The following TLL2 variants were observed in gnomAD, a reference collection of about 807,000 sequenced individuals.
TLL2 encodes the protein tolloid-like protein 2.
Under a neutral mutation model 123.0 loss-of-function variants are expected in TLL2, and 106 were observed. That is an observed-to-expected ratio of 0.86 (90% confidence interval 0.74 to 1.01). The LOEUF (loss-of-function observed/expected upper bound fraction) is 1.01, where lower values mean the gene tolerates loss of function less well. Ranked by LOEUF, TLL2 falls within the 50% of genes least tolerant of loss-of-function variation. TLL2 has a pLI of 0.00. For synonymous variants in TLL2, 494 were observed against 516.8 expected (o/e 0.96, Z 0.60); for missense variants, 1,332 against 1,336.7 (o/e 1.00, Z 0.06).
intron 1 of TLL2, among the ~76,000 whole-genome samples, chr10:96,501,982 T>C (rs1047971805): frequency 2.6e-5 from 4 of 152,172 alleles, no homozygotes; most frequent in Admixed American, 6.5e-5. Context: ...ACATCAGTAA[T>C]AGACCCAGTT....
intron 17 of TLL2, among the ~76,000 whole-genome samples, 165 bp from the exon 18 acceptor site, chr10:96,376,984 T>C (rs1158810552): frequency 6.6e-6 from 1 of 152,230 alleles, no homozygotes; most frequent in Non-Finnish European, 1.5e-5. Flanking sequence ...CTCAGGGATG[T>C]GCTGGTTTAC....
At chr10:96,435,280 C>T (rs1053808931) in intron 3 of TLL2, among the ~76,000 whole-genome samples, 1 of 152,212 alleles carries the variant, frequency 6.6e-6, no homozygotes, top group Admixed American at 6.5e-5. Context: ...ATCTGCCCGC[C>T]TCGGCCTCCC....
chr10:96,473,531 T>G (rs1847205324), intron 2 of TLL2, among the ~76,000 whole-genome samples: 1 of 152,158 alleles, frequency 6.6e-6, no homozygotes, highest in Non-Finnish European at 1.5e-5. Context: ...GCTAATGTAT[T>G]ATTTTAAACC....
chr10:96,455,204 G>A (rs1157141912), intron 2 of TLL2, among the ~76,000 whole-genome samples: 1 of 151,970 alleles, frequency 6.6e-6, no homozygotes, highest in African/African-American at 2.4e-5. Flanking sequence ...ATTCCAGCCT[G>A]GGTGACAGAG....
At chr10:96,481,742 C>T (rs1847313865) in intron 1 of TLL2, among the ~76,000 whole-genome samples, 1 of 152,106 alleles carries the variant, frequency 6.6e-6, no homozygotes, top group Non-Finnish European at 1.5e-5. Context: ...CTATGTTTGA[C>T]AAGGTTCTAC....
rs1250059814 is a variant in TLL2, at chr10:96,384,624, G to A, written c.2157C>T (p.Thr719=). ...NMRVEFKSDN[T]VSKRGFRAHF... is the part of the protein sequence containing the mutation. ...GGGCCCTGAAGCCGCGCTTGGAGAC[G>A]GTGTTGTCGGACTTGAACTCCACGC... The change falls in exon 16 of 21, where the codon ACC becomes ACT. Residue 719 remains threonine (T), a synonymous_variant. Coordinates refer to ENST00000357947, the MANE Select transcript of TLL2 (RefSeq NM_012465.4). 1 of 1,605,778 alleles carries A rather than the reference G, an allele frequency of 6.2e-7. No homozygotes were observed. Among genetic ancestry groups the A allele is most frequent in the African/African-American group, 1.3e-5 (1 of 74,826 alleles).
chr10:96,376,902 C>T (rs1846143698), intron 17 of TLL2, 83 bp from the exon 18 acceptor site: 4 of 1,403,150 alleles, frequency 2.9e-6, no homozygotes, highest in Admixed American at 2.8e-5. Flanking sequence ...GGGTCTCCTC[C>T]CCTCTCTCCT....
At chr10:96,468,166 G>C (rs1312755362) in intron 2 of TLL2, among the ~76,000 whole-genome samples, 2 of 152,122 alleles carry the variant, frequency 1.3e-5, no homozygotes, top group African/African-American at 2.4e-5. Flanking sequence ...CCTACCATCT[G>C]CTCCCATTAT....
chr10:96,411,216 A>ACTCCAGT (rs539473380), intron 8 of TLL2, among the ~76,000 whole-genome samples: 88 of 134,260 alleles, frequency 6.6e-4, no homozygotes, highest in Non-Finnish European at 1.2e-3. Context: ...GCACTACTGC[A>ACTCCAGT]CTCCAGTCTC....
intron 2 of TLL2, among the ~76,000 whole-genome samples, chr10:96,479,955 C>A (rs1160327696): frequency 6.6e-6 from 1 of 152,224 alleles, no homozygotes; most frequent in Non-Finnish European, 1.5e-5. Context: ...TGACACCAGG[C>A]AGGCTTCTCC....
rs764192888 is a variant in TLL2 at position 96,384,714 on chromosome 10, C to CT, written c.2066dup (p.Leu690AlafsTer9). On this transcript the variant is annotated frameshift_variant, in exon 16 of 21. Coordinates refer to ENST00000357947, the MANE Select transcript of TLL2 (RefSeq NM_012465.4). LOFTEE classifies it high-confidence loss of function. ...CAGAGCCGCAGAACCTGCCGTGCAGCTTGGCGTCGGGGGACAGGCCGCTGC... is the reference window on the plus strand; with the variant it reads ...CAGAGCCGCAGAACCTGCCGTGCAGCTTTGGCGTCGGGGGACAGGCCGCTGC... 3.7e-6 allele frequency: 6 copies of CT among 1,611,586 alleles called. No individual in the cohort carries two copies. The highest frequency in any genetic ancestry group is 5.1e-6 in the Non-Finnish European group (6 of 1,178,456).
intron 5 of TLL2, among the ~76,000 whole-genome samples, chr10:96,427,779 T>G (rs780272562): frequency 3.4e-4 from 52 of 152,132 alleles, no homozygotes; most frequent in South Asian, 2.1e-4. Context: ...TTTGGTTTTT[T>G]TTGTTGTTGT....
Position 96,476,235 on chromosome 10 carries a change from TA to T in TLL2, c.286+4113del, listed in dbSNP as rs1374070376. ...TTAATTTTATATGTATATATATATA[TA>T]TATATTTTATTTTTGTTGTTGTTGT... On this transcript the variant is annotated intron_variant, in intron 2 of 20. Coordinates refer to ENST00000357947, the MANE Select transcript of TLL2 (RefSeq NM_012465.4). Among the ~76,000 whole-genome samples, 46 of 43,432 alleles carry T rather than the reference TA, an allele frequency of 1.1e-3. 4 individuals are homozygous for T. The highest frequency in any genetic ancestry group is 0.011 in the Middle Eastern group (1 of 88). 28.5% of individuals were successfully genotyped at this position (43,432 alleles called of 152,430 possible).
At chr10:96,475,171 G>A (rs761953873) in intron 2 of TLL2, among the ~76,000 whole-genome samples, 1 of 152,228 alleles carries the variant, frequency 6.6e-6, no homozygotes, top group Non-Finnish European at 1.5e-5. Flanking sequence ...GCAGAACGGA[G>A]TAAGAGAGAC....
At position 96,397,289 on chromosome 10, in the gene TLL2, G is replaced by T; in HGVS notation, c.1281C>A (p.Gly427=). The T allele has an allele frequency of 1.2e-6, 2 of 1,612,762 alleles. No individual in the cohort carries two copies. The highest frequency in any genetic ancestry group is 1.1e-5 in the South Asian group (1 of 90,882). ...AGACGAGGGGCTCCGGGATCTTATCGCCACAAAACCTGCCTGGAAAGTGGA... is the reference window on the plus strand; with the variant it reads ...AGACGAGGGGCTCCGGGATCTTATCTCCACAAAACCTGCCTGGAAAGTGGA... ...RKAPLLGRFC[G]DKIPEPLVST... The change falls in exon 11 of 21, where the codon GGC becomes GGA. Residue 427 remains glycine, a synonymous_variant. Coordinates refer to ENST00000357947, the MANE Select transcript of TLL2 (RefSeq NM_012465.4).
At chr10:96,486,078 G>A (rs913496065) in intron 1 of TLL2, among the ~76,000 whole-genome samples, 1 of 152,166 alleles carries the variant, frequency 6.6e-6, no homozygotes, top group Non-Finnish European at 1.5e-5. Context: ...ACATGTTCCT[G>A]AATCATTTTG....
At chr10:96,469,104 T>C (rs575221132) in intron 2 of TLL2, among the ~76,000 whole-genome samples, 1 of 152,364 alleles carries the variant, frequency 6.6e-6, no homozygotes, top group African/African-American at 2.4e-5. Flanking sequence ...CCTTTCCAGC[T>C]AGCACCTGCT....
chr10:96,447,456 T>A (rs2861578), intron 2 of TLL2, among the ~76,000 whole-genome samples: 1 of 151,956 alleles, frequency 6.6e-6, no homozygotes, highest in Non-Finnish European at 1.5e-5. Flanking sequence ...AGGGTGGTGG[T>A]GTGGACCAGA....
Position 96,492,713 on chromosome 10 carries a change from T to G in TLL2, c.176-12254A>C, listed in dbSNP as rs535323823. Among the ~76,000 whole-genome samples the G allele has an allele frequency of 3.3e-5, 5 of 152,324 alleles. No homozygotes were observed. In the East Asian group the frequency reaches 9.6e-4, roughly 29 times the overall value. ...TACTAAGAAATGCTGTTAAACCACC[T>G]TCTTTACCGCAGGACTTCCCAGACC... is the stretch of plus-strand genomic sequence containing the variant. On this transcript the variant is annotated intron_variant, in intron 1 of 20. Transcript: ENST00000357947.
Sources: allele counts gnomAD v4.1 joint callset (sites outside exome capture counted in the v4.1 genomes callset), GRCh38; gene constraint gnomAD v4.1.1; transcripts MANE v1.5; gene names NCBI Gene and HGNC (gene_info 2026-07-23, HGNC 2026-07-21).